Variants in C11orf65 observed in about 807,000 individuals in gnomAD.
C11orf65 encodes the protein protein MFI.
In C11orf65, 38 loss-of-function variants were observed where a neutral mutation model predicts 35.3. That is an observed-to-expected ratio of 1.08 (90% CI 0.83 to 1.41). C11orf65 has a LOEUF of 1.41. C11orf65 is among the 40% of genes most tolerant of loss of function. The probability of loss-of-function intolerance (pLI) is 0.00; values close to 1 mark genes in which losing one functional copy is unlikely to be tolerated. For synonymous variants in C11orf65, 105 were observed against 114.4 expected (o/e 0.92, Z 0.53); for missense variants, 370 against 367.1 (o/e 1.01, Z -0.06).
At chr11:108,343,570 A>G (rs1163700277) in intron 2 of C11orf65, among the ~76,000 whole-genome samples, 1 of 152,236 alleles carries the variant, frequency 6.6e-6, no homozygotes, top group African/African-American at 2.4e-5. Flanking sequence ...TAATATGTCA[A>G]CCCTTGTCAG....
intron 2 of C11orf65, among the ~76,000 whole-genome samples, chr11:108,443,500 A>G (rs928389731): frequency 6.6e-6 from 1 of 152,114 alleles, no homozygotes; most frequent in African/African-American, 2.4e-5. Context: ...AGAACTCTCC[A>G]CCCCAAATCA....
rs1354941477 is a variant in C11orf65 at position 108,315,460 on chromosome 11, A to G, written c.641-6389T>C. On this transcript the variant is annotated intron_variant, in intron 6 of 6. Transcript: ENST00000525729. The stretch of plus-strand genomic sequence containing the variant: ...AATGTATCATATCAAATGTATACAA[A>G]TGATGGAATGTGTAGACTAGTTGTA... Among the ~76,000 whole-genome samples the G allele has an allele frequency of 2.0e-5, 3 of 152,324 alleles. No individual in the cohort carries two copies. The East Asian group carries it at 5.8e-4, about 29-fold the overall frequency.
chr11:108,318,709 C>G (rs1165052251), intron 6 of C11orf65, among the ~76,000 whole-genome samples: 1 of 151,672 alleles, frequency 6.6e-6, no homozygotes, highest in African/African-American at 2.4e-5. Context: ...AAAAAACACT[C>G]AGTTACCCAG....
chr11:108,450,754 C>T (rs948789323), intron 2 of C11orf65, among the ~76,000 whole-genome samples: 4 of 151,376 alleles, frequency 2.6e-5, no homozygotes, highest in Admixed American at 2.0e-4. Flanking sequence ...TGCACATGTA[C>T]CCTAAAACTT....
At position 108,362,989 on chromosome 11, in the gene C11orf65, A is replaced by T. The variant is rs867480373; in HGVS notation, c.227-27697T>A. Among the ~76,000 whole-genome samples, 4 of 152,036 alleles carry T rather than the reference A, an allele frequency of 2.6e-5. No individual in the cohort carries two copies. The East Asian group carries it at 7.7e-4, about 29-fold the overall frequency. ...AAAAAACAAACAACAAAACAAACAA[A>T]CAAAAAAAACACACCCTCCAATGCT... is the stretch of plus-strand genomic sequence containing the variant. On this transcript the variant is annotated intron_variant, in intron 2 of 3. Coordinates refer to the C11orf65 transcript ENST00000524755.
intron 2 of C11orf65, among the ~76,000 whole-genome samples, chr11:108,343,798 AAAC>A (rs907536224): frequency 3.3e-5 from 5 of 152,116 alleles, no homozygotes; most frequent in East Asian, 1.9e-4. Flanking sequence ...CAAACACAGT[AAAC>A]AACAACAACA....
chr11:108,343,206 T>C lies in C11orf65; in HGVS notation c.227-7914A>G, dbSNP rs375051442. 28 of 1,613,790 alleles carry C rather than the reference T, an allele frequency of 1.7e-5. No individual in the cohort carries two copies. Among genetic ancestry groups the C allele is most frequent in the African/African-American group, 2.7e-5 (2 of 74,914 alleles). The stretch of plus-strand genomic sequence containing the variant: ...TGGCCTTTTAAAATTAAAAGGTATT[T>C]AATCTGTAACTCCAGGTGGTTCCCC... On this transcript the variant is annotated intron_variant, in intron 2 of 3. Coordinates refer to the C11orf65 transcript ENST00000524755.
chr11:108,329,082 T>C (rs1215010771), downstream of C11orf65: 1 of 1,614,096 alleles, frequency 6.2e-7, no homozygotes, highest in South Asian at 1.1e-5. Context: ...AATGGAAAAA[T>C]GAAGGCATTT....
intron 7 of C11orf65, among the ~76,000 whole-genome samples, chr11:108,388,324 T>TTGATAAGTAATTG (rs1686753139): frequency 6.6e-6 from 1 of 152,174 alleles, no homozygotes; most frequent in African/African-American, 2.4e-5. Flanking sequence ...TGATAAGAAA[T>TTGATAAGTAATTG]CTAAGTTTTA....
intron 7 of C11orf65, among the ~76,000 whole-genome samples, chr11:108,390,533 C>T (rs1321628009): frequency 6.6e-6 from 1 of 152,092 alleles, no homozygotes; most frequent in Non-Finnish European, 1.5e-5. Flanking sequence ...TAGCTTGAAT[C>T]GGCCAATGGT....
chr11:108,320,613 G>A (rs1274182784), intron 6 of C11orf65, among the ~76,000 whole-genome samples: 2 of 152,168 alleles, frequency 1.3e-5, no homozygotes, highest in Non-Finnish European at 2.9e-5. Context: ...AACTATGGAT[G>A]TGAAAAAAGG....
chr11:108,445,996 C>T (rs1451432546), intron 2 of C11orf65, among the ~76,000 whole-genome samples: 22 of 151,914 alleles, frequency 1.4e-4, no homozygotes, highest in South Asian at 1.2e-3. Flanking sequence ...CAGGAGCCGA[C>T]GCGATCAACT....
intron 3 of C11orf65, among the ~76,000 whole-genome samples, chr11:108,422,815 G>T (rs1198509798): frequency 6.6e-6 from 1 of 151,636 alleles, no homozygotes; most frequent in Non-Finnish European, 1.5e-5. Context: ...CTGGGAGGCG[G>T]AGGTTGCAGT....
At chr11:108,326,254 GT>G (rs1334509955) in intron 6 of C11orf65, 13 of 1,612,512 alleles carry the variant, frequency 8.1e-6, no homozygotes, top group Non-Finnish European at 1.1e-5. Flanking sequence ...CTGGATTAGT[GT>G]TTTACTGTTA....
intron 2 of C11orf65, among the ~76,000 whole-genome samples, chr11:108,351,728 CTTCCATCACATTA>C (rs1396130284): frequency 6.6e-6 from 1 of 152,244 alleles, no homozygotes; most frequent in Non-Finnish European, 1.5e-5. Flanking sequence ...CACAGTATCA[CTTCCATCACATTA>C]TGTCATCACA....
At chr11:108,452,276 A>C (rs1356540535) in intron 2 of C11orf65, among the ~76,000 whole-genome samples, 1 of 152,234 alleles carries the variant, frequency 6.6e-6, no homozygotes, top group Non-Finnish European at 1.5e-5. Context: ...GGCTAATATC[A>C]AGAATCTACA....
In C11orf65 at chr11:108,405,457, G is replaced by A; in HGVS notation, c.532C>T (p.Leu178Phe). 3 of 1,612,608 alleles carry A rather than the reference G, an allele frequency of 1.9e-6. No individual in the cohort carries two copies. The South Asian group carries it at 3.3e-5, about 18-fold the overall frequency. ...TGCCTCATCCACTCTATTTTTCTAA[G>A]TTTTCTTTTCTTTTCCAAATCTTGC... is the stretch of plus-strand genomic sequence containing the variant. ...RRQDLEKKRK[L>F]RKIEWMRQMY... is the part of the protein sequence containing the mutation. Residue 178 changes from leucine to phenylalanine, a missense_variant, in exon 6 of 9, where the codon CTT (leucine) becomes TTT (phenylalanine). Physicochemically the swap from Leu to Phe is conservative, Grantham distance 22. Coordinates refer to ENST00000393084, the MANE Select transcript of C11orf65 (RefSeq NM_152587.5).
chr11:108,309,347 T>C (rs978086709), intron 6 of C11orf65, among the ~76,000 whole-genome samples: 11 of 152,208 alleles, frequency 7.2e-5, no homozygotes, highest in African/African-American at 2.7e-4. Flanking sequence ...TTAACTTTAG[T>C]TGAGTGCTTG....
chr11:108,331,122 C>T, downstream of C11orf65: 1 of 1,042,394 alleles, frequency 9.6e-7, no homozygotes, highest in Non-Finnish European at 1.2e-6. Context: ...ACTGACTTCT[C>T]AGGAATCAAG....
Sources: allele counts gnomAD v4.1 joint callset (sites outside exome capture counted in the v4.1 genomes callset), GRCh38; gene constraint gnomAD v4.1.1; transcripts MANE v1.5; gene names NCBI Gene and HGNC (gene_info 2026-07-23, HGNC 2026-07-21).